Variants in FHIT observed in about 807,000 individuals in gnomAD.
The protein encoded by FHIT is bis(5'-adenosyl)-triphosphatase.
Under a neutral mutation model 17.9 loss-of-function variants are expected in FHIT, and 19 were observed. The ratio of observed to expected loss-of-function variants is 1.06; its 90% CI spans 0.74 to 1.56. FHIT has a LOEUF of 1.56. Among genes scored for constraint, FHIT ranks in the 40% most tolerant of loss-of-function variants. FHIT has a pLI of 0.00. For missense variants in FHIT, 248 were observed against 189.2 expected, an observed-to-expected ratio of 1.31 and a Z score of -1.82; for synonymous variants, 81 against 69.7, an observed-to-expected ratio of 1.16 and a Z score of -0.81.
intron 5 of FHIT, among the ~76,000 whole-genome samples, chr3:60,023,109 G>A (rs1019912156): frequency 1.3e-5 from 2 of 152,184 alleles, no homozygotes; most frequent in African/African-American, 4.8e-5. Context: ...ACTTGAAGGA[G>A]TATGGCAATA....
chr3:60,221,293 A>G (rs1210676577), intron 5 of FHIT, among the ~76,000 whole-genome samples: 1 of 152,142 alleles, frequency 6.6e-6, no homozygotes, highest in Non-Finnish European at 1.5e-5. Flanking sequence ...TGTTTTAGAC[A>G]AGCAGAACAA....
chr3:60,108,316 A>T (rs74669378), intron 5 of FHIT, among the ~76,000 whole-genome samples: 2,420 of 152,258 alleles, frequency 0.016, 76 homozygotes, highest in African/African-American at 0.055. Flanking sequence ...AACTATTGAG[A>T]GCTTTGATTA....
Position 60,477,024 on chromosome 3 carries a change from G to A in FHIT, c.103+59836C>T, listed in dbSNP as rs368687895. Among the ~76,000 whole-genome samples the A allele has an allele frequency of 1.8e-4, 27 of 151,824 alleles. No homozygotes were observed. In the South Asian group the frequency reaches 4.6e-3, roughly 26 times the overall value. On this transcript the variant is annotated intron_variant, in intron 5 of 9. Transcript: ENST00000492590. Reference sequence around the variant, plus strand: ...TGTTTAAGTACGTATATACAGTTTCGTTTACATGCATATGCTGAATATAGT... The same window carrying A: ...TGTTTAAGTACGTATATACAGTTTCATTTACATGCATATGCTGAATATAGT...
At chr3:61,048,962 C>G (rs1368264379) in intron 2 of FHIT, among the ~76,000 whole-genome samples, 1 of 151,820 alleles carries the variant, frequency 6.6e-6, no homozygotes, top group African/African-American at 2.4e-5. Flanking sequence ...ACATCACACA[C>G]CAGGGCCTGT....
intron 5 of FHIT, among the ~76,000 whole-genome samples, chr3:60,208,037 C>T (rs879787342): frequency 6.6e-5 from 10 of 152,168 alleles, no homozygotes; most frequent in South Asian, 2.1e-4. Context: ...TCACTTAGTA[C>T]TTGACAGCAA....
Position 60,205,342 on chromosome 3 carries a change from T to C in FHIT, c.104-191190A>G, listed in dbSNP as rs1159603934. Among the ~76,000 whole-genome samples, 4 of 152,172 alleles carry C rather than the reference T, an allele frequency of 2.6e-5. No individual in the cohort carries two copies. In the East Asian group the frequency reaches 5.8e-4, roughly 22 times the overall value. On this transcript the variant is annotated intron_variant, in intron 5 of 9. Transcript: ENST00000492590. Reference sequence around the variant, plus strand: ...ATCTCTCCAGATATGTATATATAAATACACGTATGTATTAACATATTAGCA... The same window carrying C: ...ATCTCTCCAGATATGTATATATAAACACACGTATGTATTAACATATTAGCA...
At chr3:60,051,979 A>C (rs891572416) in intron 5 of FHIT, among the ~76,000 whole-genome samples, 2 of 152,106 alleles carry the variant, frequency 1.3e-5, no homozygotes, top group Non-Finnish European at 2.9e-5. Context: ...GCAGCAATGG[A>C]TAGATATCAG....
At chr3:60,822,813 G>T (rs1052224329) in intron 3 of FHIT, among the ~76,000 whole-genome samples, 2 of 152,136 alleles carry the variant, frequency 1.3e-5, no homozygotes, top group Non-Finnish European at 2.9e-5. Flanking sequence ...GTGACAGGGA[G>T]GCTATTGAGA....
At chr3:60,294,879 A>T (rs1053185038) in intron 5 of FHIT, among the ~76,000 whole-genome samples, 3 of 152,194 alleles carry the variant, frequency 2.0e-5, no homozygotes, top group Admixed American at 6.5e-5. Context: ...TGAATGCAGA[A>T]TAGCCTCCGT....
intron 3 of FHIT, among the ~76,000 whole-genome samples, chr3:60,898,246 G>T (rs1189892236): frequency 6.6e-6 from 1 of 152,032 alleles, no homozygotes; most frequent in Non-Finnish European, 1.5e-5. Context: ...ACTGTATAAA[G>T]ACATAAAATA....
intron 4 of FHIT, among the ~76,000 whole-genome samples, chr3:60,667,326 A>G (rs1415511216): frequency 1.3e-5 from 2 of 151,708 alleles, no homozygotes; most frequent in East Asian, 3.9e-4. Flanking sequence ...GATTGGGTGG[A>G]TTCCATTGTT....
At position 60,521,000 on chromosome 3, in the gene FHIT, T is replaced by G. The variant is rs186012580; in HGVS notation, c.103+15860A>C. Among the ~76,000 whole-genome samples, 4 of 152,288 alleles carry G rather than the reference T, an allele frequency of 2.6e-5. No homozygotes were observed. The East Asian group carries it at 7.7e-4, about 29-fold the overall frequency. On this transcript the variant is annotated intron_variant, in intron 5 of 9. Transcript: ENST00000492590. ...GAAAAAGGCTCATATCAAATGCCTA[T>G]AAATTTTTTGGTTTATTTTAAATCC...
intron 7 of FHIT, among the ~76,000 whole-genome samples, chr3:59,982,491 A>G (rs1014020544): frequency 6.6e-6 from 1 of 152,204 alleles, no homozygotes; most frequent in African/African-American, 2.4e-5. Flanking sequence ...AGTGAAGTAT[A>G]TTATCAATAA....
chr3:60,673,528 G>A (rs2040556043), intron 4 of FHIT, among the ~76,000 whole-genome samples: 1 of 151,962 alleles, frequency 6.6e-6, no homozygotes, highest in African/African-American at 2.4e-5. Context: ...GTGGGATGGG[G>A]GGCAGCGGTG....
intron 2 of FHIT, among the ~76,000 whole-genome samples, chr3:61,157,503 G>A (rs1300553728): frequency 2.6e-5 from 4 of 152,166 alleles, no homozygotes; most frequent in African/African-American, 7.2e-5. Context: ...AAGTACCCCA[G>A]AGGAACCTTG....
At chr3:60,559,672 T>A (rs887002544) in intron 4 of FHIT, among the ~76,000 whole-genome samples, 2 of 152,090 alleles carry the variant, frequency 1.3e-5, no homozygotes, top group Non-Finnish European at 2.9e-5. Context: ...CTTTTCCCAC[T>A]AACCCACTGA....
chr3:61,004,339 A>G (rs1005754940), intron 3 of FHIT, among the ~76,000 whole-genome samples: 2 of 152,174 alleles, frequency 1.3e-5, no homozygotes, highest in African/African-American at 4.8e-5. Context: ...CAGTTTCAAA[A>G]AAGTTGCCCG....
At position 60,182,648 on chromosome 3, in the gene FHIT, C is replaced by G. The variant is rs140126870; in HGVS notation, c.104-168496G>C. Among the ~76,000 whole-genome samples the G allele has an allele frequency of 1.4e-4, 22 of 151,942 alleles. No individual in the cohort carries two copies. In the East Asian group the frequency reaches 4.3e-3, roughly 29 times the overall value. ...ATAACAACAAAAAAGTCAGGCACAGCAGCACAAACCTGTAGTCCCAGCTAC... is the reference window on the plus strand; with the variant it reads ...ATAACAACAAAAAAGTCAGGCACAGGAGCACAAACCTGTAGTCCCAGCTAC... On this transcript the variant is annotated intron_variant, in intron 5 of 9. Transcript: ENST00000492590.
chr3:60,733,292 A>G (rs1577134177), intron 4 of FHIT, among the ~76,000 whole-genome samples: 1 of 152,220 alleles, frequency 6.6e-6, no homozygotes, highest in South Asian at 2.1e-4. Flanking sequence ...TTATTACAGA[A>G]AAGTAAGAAA....
Sources: allele counts gnomAD v4.1 joint callset (sites outside exome capture counted in the v4.1 genomes callset), GRCh38; gene constraint gnomAD v4.1.1; transcripts MANE v1.5; gene names NCBI Gene and HGNC (gene_info 2026-07-23, HGNC 2026-07-21).